The following GALNT13 variants were observed in gnomAD, a reference collection of about 807,000 sequenced individuals.
The protein encoded by GALNT13 is UDP-GalNAc:polypeptide N-acetylgalactosaminyltransferase 13.
In GALNT13, 28 loss-of-function variants were observed where a neutral mutation model predicts 64.2. The ratio of observed to expected loss-of-function variants is 0.44; its 90% CI spans 0.32 to 0.60. GALNT13 has a LOEUF of 0.60. Among genes scored for constraint, GALNT13 ranks in the 20% least tolerant of loss-of-function variants. The pLI, the probability that GALNT13 is intolerant of heterozygous loss-of-function variation, is 0.05. For missense variants in GALNT13, 577 were observed against 669.8 expected (o/e 0.86, Z 1.53); for synonymous variants, 214 against 224.6 (o/e 0.95, Z 0.42).
chr2:154,353,828 C>T (rs799811), intron 9 of GALNT13, among the ~76,000 whole-genome samples: 1,918 of 152,094 alleles, frequency 0.013, 18 homozygotes, highest in South Asian at 0.041. Flanking sequence ...TGACTTTGGT[C>T]GTTTCCATAT....
At chr2:153,543,404 C>T in the GALNT13 span, among the ~76,000 whole-genome samples, 1 of 152,138 alleles carries the variant, frequency 6.6e-6, no homozygotes, top group South Asian at 2.1e-4. Flanking sequence ...CTATCTTTCT[C>T]TAGAAGTAGC....
intron 4 of GALNT13, among the ~76,000 whole-genome samples, chr2:154,200,862 A>G (rs1687132820): frequency 6.6e-6 from 1 of 152,150 alleles, no homozygotes; most frequent in African/African-American, 2.4e-5. Context: ...ATACATGATG[A>G]GACAGTTCAT....
At chr2:154,345,774 A>G (rs1239739322) in intron 9 of GALNT13, among the ~76,000 whole-genome samples, 1 of 152,032 alleles carries the variant, frequency 6.6e-6, no homozygotes, top group Non-Finnish European at 1.5e-5. Flanking sequence ...GCTCAGGTAC[A>G]AATGCTCATT....
At chr2:153,537,925 T>A in the GALNT13 span, among the ~76,000 whole-genome samples, 3 of 152,188 alleles carry the variant, frequency 2.0e-5, no homozygotes, top group Admixed American at 2.0e-4. Context: ...TATAGCAGCA[T>A]GTGAATGGAC....
chr2:154,404,639 A>T (rs1388927576), intron 10 of GALNT13, among the ~76,000 whole-genome samples: 1 of 152,122 alleles, frequency 6.6e-6, no homozygotes, highest in East Asian at 1.9e-4. Context: ...GAGAAAAAAA[A>T]CTCCTCTCTA....
the GALNT13 span, among the ~76,000 whole-genome samples, chr2:153,071,497 G>A: frequency 6.6e-6 from 1 of 152,144 alleles, no homozygotes; most frequent in African/African-American, 2.4e-5. Context: ...TACTGGTTAT[G>A]TTGAGCAATA....
intron 3 of GALNT13, among the ~76,000 whole-genome samples, chr2:154,030,472 A>G (rs2161922): frequency 0.19 from 28,277 of 152,114 alleles, 3,375 homozygotes; most frequent in Non-Finnish European, 0.26. Context: ...ACATATAAAA[A>G]TGGGGAGAAT....
chr2:153,896,081 A>ATATATTTTTTTTTTT (rs1574065409), intron 1 of GALNT13, among the ~76,000 whole-genome samples: 7 of 136,808 alleles, frequency 5.1e-5, no homozygotes, highest in African/African-American at 2.0e-4. Context: ...ATGATTTTAT[A>ATATATTTTTTTTTTT]TTTTTATGTT....
At chr2:153,780,244 T>TATATATGC in the GALNT13 span, among the ~76,000 whole-genome samples, 5 of 38,756 alleles carry the variant, frequency 1.3e-4, no homozygotes, top group African/African-American at 2.5e-4. Context: ...TATATATATA[T>TATATATGC]ATATATATAT....
At chr2:153,378,296 ATAGATAGATAGATAAT>A in the GALNT13 span, among the ~76,000 whole-genome samples, 21 of 111,554 alleles carry the variant, frequency 1.9e-4, no homozygotes, top group African/African-American at 3.0e-4. Flanking sequence ...AGATAGATAG[ATAGATAGATAGATAAT>A]TTTTTTTTTT....
chr2:154,385,517 C>T (rs994409207), intron 9 of GALNT13, among the ~76,000 whole-genome samples: 1 of 151,956 alleles, frequency 6.6e-6, no homozygotes, highest in African/African-American at 2.4e-5. Context: ...TTTGACCCTA[C>T]TTCTGCTATT....
At chr2:153,491,773 A>G in the GALNT13 span, among the ~76,000 whole-genome samples, 1 of 151,948 alleles carries the variant, frequency 6.6e-6, no homozygotes, top group African/African-American at 2.4e-5. Context: ...GGTGCCAGCC[A>G]CCGTGCCCAA....
At chr2:153,915,325 T>C (rs770434370) in intron 2 of GALNT13, among the ~76,000 whole-genome samples, 7 of 152,196 alleles carry the variant, frequency 4.6e-5, no homozygotes, top group Non-Finnish European at 1.0e-4. Context: ...GAGTTCTCAC[T>C]GGTCTCTACT....
At chr2:153,332,974 C>T in the GALNT13 span, among the ~76,000 whole-genome samples, 1 of 152,168 alleles carries the variant, frequency 6.6e-6, no homozygotes, top group Non-Finnish European at 1.5e-5. Flanking sequence ...GTTGTCTTCC[C>T]ACCCCAGGCT....
intron 9 of GALNT13, among the ~76,000 whole-genome samples, chr2:154,364,471 C>T (rs183592783): frequency 5.1e-5 from 1 of 19,522 alleles, no homozygotes; most frequent in African/African-American, 1.2e-4. Context: ...AGTGTGATCA[C>T]GGGCAGTTAG....
At chr2:153,355,071 G>A in the GALNT13 span, among the ~76,000 whole-genome samples, 1 of 152,130 alleles carries the variant, frequency 6.6e-6, no homozygotes, top group Non-Finnish European at 1.5e-5. Context: ...TAAACTGACA[G>A]CTCCCTCTCA....
chr2:153,246,239 A>G, the GALNT13 span, among the ~76,000 whole-genome samples: 2 of 152,230 alleles, frequency 1.3e-5, no homozygotes, highest in Non-Finnish European at 2.9e-5. Context: ...GATATTATCC[A>G]GGAGAACTTC....
chr2:153,640,312 A>C, the GALNT13 span, among the ~76,000 whole-genome samples: 4 of 152,286 alleles, frequency 2.6e-5, no homozygotes, highest in South Asian at 2.1e-4. Context: ...CCAAGTGTGG[A>C]GATCAGAGGC....
intron 4 of GALNT13, among the ~76,000 whole-genome samples, chr2:154,193,188 T>C (rs1686692761): frequency 6.6e-6 from 1 of 152,238 alleles, no homozygotes; most frequent in Non-Finnish European, 1.5e-5. Context: ...CAAATAATTT[T>C]ATTTGAAAAT....
Sources: gnomAD v4.1 joint callset for allele counts (sites outside exome capture counted in the v4.1 genomes callset) on GRCh38, gnomAD v4.1.1 for gene constraint, MANE v1.5 for transcripts, NCBI Gene and HGNC (gene_info 2026-07-23, HGNC 2026-07-21) for gene names.